CHRM3: variants seen among roughly 807,000 people sequenced by gnomAD.
The protein encoded by CHRM3 is cholinergic receptor muscarinic 3.
CHRM3 carries 11 observed loss-of-function variants against 41.8 expected under a neutral mutation model. The ratio of observed to expected loss-of-function variants is 0.26; its 90% CI spans 0.17 to 0.44. The LOEUF (loss-of-function observed/expected upper bound fraction) is 0.44. Ranked by LOEUF, CHRM3 falls within the 20% of genes least tolerant of loss-of-function variation. CHRM3 has a pLI of 1.00. For synonymous variants in CHRM3, 297 were observed against 301.4 expected (o/e 0.99, Z 0.15); for missense variants, 571 against 745.4 (o/e 0.77, Z 2.72).
intron 5 of CHRM3, among the ~76,000 whole-genome samples, chr1:239,758,186 A>T (rs1225693946): frequency 6.6e-6 from 1 of 152,196 alleles, no homozygotes; most frequent in Non-Finnish European, 1.5e-5. Context: ...ACTTTCAAAG[A>T]ATTATAGCTC....
intron 1 of CHRM3, among the ~76,000 whole-genome samples, chr1:239,486,164 T>C (rs1667169751): frequency 6.6e-6 from 1 of 152,206 alleles, no homozygotes; most frequent in African/African-American, 2.4e-5. Context: ...TCCAAATGCT[T>C]GAATATCAGA....
At chr1:239,805,205 A>G (rs1670534769) in intron 5 of CHRM3, among the ~76,000 whole-genome samples, 1 of 152,204 alleles carries the variant, frequency 6.6e-6, no homozygotes, top group Non-Finnish European at 1.5e-5. Flanking sequence ...GATGAAACTC[A>G]GTGAGGTTCA....
At position 239,404,394 on chromosome 1, in the gene CHRM3, AAG is replaced by A. The variant is rs753792674; in HGVS notation, c.-521+17169_-521+17170del. ...AAAGAAAGAAAGAAAGAAAGAAAGAAAGAAAGAAAGAAAGAAAAAGAAAGAAA... is the reference window on the plus strand; with the variant it reads ...AAAGAAAGAAAGAAAGAAAGAAAGAAAAAGAAAGAAAGAAAAAGAAAGAAA... On this transcript the variant is annotated intron_variant, in intron 1 of 6. Coordinates refer to ENST00000676153, the MANE Select transcript of CHRM3 (RefSeq NM_001375978.1). Among the ~76,000 whole-genome samples, 670 of 79,740 alleles carry A rather than the reference AAG, an allele frequency of 8.4e-3. 1 individual carries two copies. Among genetic ancestry groups the A allele is most frequent in the Non-Finnish European group, 0.012 (508 of 40,830 alleles). The allele number at this position is 79,740 out of a possible 152,430, so 52.3% of individuals were successfully genotyped here. A position where few individuals can be genotyped will look rare whatever the true frequency, so the allele number is the denominator to read the frequency against.
chr1:239,491,882 G>A (rs577733166), intron 1 of CHRM3, among the ~76,000 whole-genome samples: 4 of 152,216 alleles, frequency 2.6e-5, no homozygotes, highest in South Asian at 2.1e-4. Flanking sequence ...TGAAAGCCAC[G>A]TGCAGGGGAG....
intron 3 of CHRM3, among the ~76,000 whole-genome samples, chr1:239,550,965 T>G (rs1251008022): frequency 6.6e-6 from 1 of 152,014 alleles, no homozygotes; most frequent in Non-Finnish European, 1.5e-5. Context: ...ATTGCTTTTG[T>G]TCAACATTCC....
chr1:239,543,668 C>T (rs760631425), intron 2 of CHRM3, among the ~76,000 whole-genome samples: 115 of 152,068 alleles, frequency 7.6e-4, no homozygotes, highest in East Asian at 3.3e-3. Context: ...CCACCACGCC[C>T]GGCTAATTTT....
chr1:239,826,050 A>G (rs1242010514), intron 5 of CHRM3, among the ~76,000 whole-genome samples: 1 of 152,188 alleles, frequency 6.6e-6, no homozygotes, highest in African/African-American at 2.4e-5. Context: ...AACTGGGAAG[A>G]GGGAAAATGC....
chr1:239,500,410 G>GA (rs1668153549), intron 2 of CHRM3, among the ~76,000 whole-genome samples: 1 of 137,454 alleles, frequency 7.3e-6, no homozygotes. Context: ...GGTGGGAATT[G>GA]AACAATGAGA....
In CHRM3 at chr1:239,908,499, G is replaced by T; in HGVS notation, c.1048G>T (p.Ala350Ser). 1 of 1,604,076 alleles carries T rather than the reference G, an allele frequency of 6.2e-7. No individual in the cohort carries two copies. The highest frequency in any genetic ancestry group is 8.5e-7 in the Non-Finnish European group (1 of 1,174,940). Reference sequence around the variant, plus strand: ...TGCTGCTGCCTCCCTGGAGAACTCCGCCTCCTCCGACGAGGAGGACATTGG... The same window carrying T: ...TGCTGCTGCCTCCCTGGAGAACTCCTCCTCCTCCGACGAGGAGGACATTGG... ...NDAAASLENS[A>S]SSDEEDIGSE... Residue 350 changes from alanine to serine, a missense_variant, in exon 7 of 7, where the codon GCC (alanine) becomes TCC (serine). Transcript: ENST00000676153. The surrounding 1 kb of genome is among the most constrained non-coding windows in gnomAD (Gnocchi z 7.2).
At position 239,910,300 on chromosome 1, in the gene CHRM3, C is replaced by T. The variant is rs1680286720; in HGVS notation, c.*1076C>T. 3 of 160,514 alleles carry T rather than the reference C, an allele frequency of 1.9e-5. 1 individual carries two copies. Among genetic ancestry groups the T allele is most frequent in the Middle Eastern group, 6.8e-3 (2 of 292 alleles). The allele number at this position is 160,514 out of a possible 1,614,324, so 9.9% of individuals were successfully genotyped here. ...TAGTGTCACGTTTGAATGTCATACA[C>T]AGCAATATATATATATGTGTATATA... On this transcript the variant is annotated 3_prime_UTR_variant, in exon 7 of 7. Coordinates refer to ENST00000676153, the MANE Select transcript of CHRM3 (RefSeq NM_001375978.1).
chr1:239,569,029 G>A (rs986844090), intron 3 of CHRM3, among the ~76,000 whole-genome samples: 3 of 152,250 alleles, frequency 2.0e-5, no homozygotes, highest in Admixed American at 1.3e-4. Context: ...GAAAGAGAAA[G>A]GTAGTGTTGG....
At chr1:239,692,986 G>GTACTT (rs1659856847) in intron 5 of CHRM3, among the ~76,000 whole-genome samples, 1 of 152,146 alleles carries the variant, frequency 6.6e-6, no homozygotes, top group African/African-American at 2.4e-5. Flanking sequence ...TTTTGTTCAT[G>GTACTT]TACTTTGTAA....
At chr1:239,880,379 A>T (rs1290194359) in intron 6 of CHRM3, among the ~76,000 whole-genome samples, 1 of 152,226 alleles carries the variant, frequency 6.6e-6, no homozygotes, top group Admixed American at 6.5e-5. Flanking sequence ...AGTTCCTGAA[A>T]ATACAACTTA....
At chr1:239,550,552 A>G (rs764995054) in intron 3 of CHRM3, among the ~76,000 whole-genome samples, 2 of 152,336 alleles carry the variant, frequency 1.3e-5, no homozygotes, top group African/African-American at 2.4e-5. Context: ...AGAGATTTCT[A>G]TGAAATGTCT....
At chr1:239,600,696 C>T (rs1378747326) in intron 3 of CHRM3, among the ~76,000 whole-genome samples, 1 of 151,462 alleles carries the variant, frequency 6.6e-6, no homozygotes, top group Non-Finnish European at 1.5e-5. Context: ...TTTCTTCTCC[C>T]TTTCCTCCCC....
chr1:239,688,384 G>C (rs1393696390), intron 5 of CHRM3, among the ~76,000 whole-genome samples: 1 of 141,888 alleles, frequency 7.0e-6, no homozygotes, highest in African/African-American at 2.6e-5. Context: ...ATTGTTTTGG[G>C]TTTTAAATAT....
At chr1:239,512,945 T>A (rs569091673) in intron 2 of CHRM3, among the ~76,000 whole-genome samples, 11 of 152,242 alleles carry the variant, frequency 7.2e-5, no homozygotes, top group South Asian at 2.1e-4. Flanking sequence ...TTTGTCTCCC[T>A]TTGTGCTAAA....
intron 6 of CHRM3, among the ~76,000 whole-genome samples, chr1:239,833,078 G>A (rs1673025946): frequency 6.6e-6 from 1 of 152,106 alleles, no homozygotes. Context: ...GATTTCATAA[G>A]CTACAAAGCC....
At chr1:239,420,101 G>A (rs879341262) in intron 1 of CHRM3, among the ~76,000 whole-genome samples, 2 of 152,288 alleles carry the variant, frequency 1.3e-5, no homozygotes, top group Admixed American at 1.3e-4. Context: ...CCTGTAGTTT[G>A]AGGAGTAGAG....
Sources: allele counts gnomAD v4.1 joint callset (sites outside exome capture counted in the v4.1 genomes callset), GRCh38; gene constraint gnomAD v4.1.1; non-coding constraint Gnocchi (gnomAD v3.1); transcripts MANE v1.5; gene names NCBI Gene and HGNC (gene_info 2026-07-23, HGNC 2026-07-21).